Variants in UBN2 observed in about 807,000 individuals in gnomAD.
The protein encoded by UBN2 is ubinuclein 2, also known as ubinuclein-2.
A neutral mutation model predicts 120.2 loss-of-function variants in UBN2; 35 were observed. That is an observed-to-expected ratio of 0.29 (90% CI 0.22 to 0.39). The LOEUF (loss-of-function observed/expected upper bound fraction) is 0.39. Among genes scored for constraint, UBN2 ranks in the 10% least tolerant of loss-of-function variants. UBN2 has a pLI of 1.00. For synonymous variants in UBN2, 661 were observed against 648.7 expected, an observed-to-expected ratio of 1.02 and a Z score of -0.29; for missense variants, 1,693 against 1,663.2, an observed-to-expected ratio of 1.02 and a Z score of -0.31.
chr7:139,293,693 A>C lies in UBN2; in HGVS notation c.3902-196A>C, dbSNP rs187427530. On this transcript the variant is annotated intron_variant, in intron 16 of 17. Transcript: ENST00000473989. ...ACATTTCCATCTTAATGAAATTTTT[A>C]AGAGGAAGTCAGTTGTGTTGGGTTA... 1.6e-4 allele frequency: 104 copies of C among 645,278 alleles called. No individual in the cohort carries two copies. In the African/African-American group the frequency reaches 1.8e-3, roughly 11 times the overall value. The allele number at this position is 645,278 out of a possible 1,614,324, so 40.0% of individuals were successfully genotyped here. A position where few individuals can be genotyped will look rare whatever the true frequency, so the allele number is the denominator to read the frequency against.
At chr7:139,261,893 T>G in intron 6 of UBN2, 152 bp downstream of exon 6, 1 of 829,712 alleles carries the variant, frequency 1.2e-6, no homozygotes, top group South Asian at 2.1e-5. Flanking sequence ...AACATTTTTA[T>G]AACTTTTTAT....
chr7:139,275,319 C>T (rs1178905390), intron 11 of UBN2, among the ~76,000 whole-genome samples: 2 of 149,488 alleles, frequency 1.3e-5, no homozygotes, highest in Non-Finnish European at 3.0e-5. Context: ...CACGGTGGCT[C>T]ACGCCTGTAA....
At position 139,273,316 on chromosome 7, in the gene UBN2, C is replaced by T. The variant is rs749369420; in HGVS notation, c.1735C>T (p.Arg579Ter). Residue 579 changes from arginine (R) to a stop codon, truncating the protein, a stop_gained, in exon 10 of 18, where the codon CGA becomes TGA. Coordinates refer to ENST00000473989, the MANE Select transcript of UBN2 (RefSeq NM_173569.4). LOFTEE classifies it high-confidence loss of function. ...KCAKLQTDEEREKNGSEEDDD... is the reference protein window; with the variant it reads ...KCAKLQTDEE ...TTTTAGATTGCAGACAGATGAAGAA[C>T]GAGAAAAAAATGGATCTGAAGAGGA... 3 of 1,600,026 alleles carry T rather than the reference C, an allele frequency of 1.9e-6. No individual in the cohort carries two copies. Among genetic ancestry groups the T allele is most frequent in the Admixed American group, 1.7e-5 (1 of 58,476 alleles).
chr7:139,293,572 G>GT (rs201538099), intron 16 of UBN2, 109 bp downstream of exon 16: 162,171 of 661,504 alleles, frequency 0.25, 15 homozygotes, highest in South Asian at 0.29. Context: ...GAAGATTATA[G>GT]TTTTTTTTTT....
chr7:139,259,068 A>G (rs1407009031), intron 4 of UBN2, among the ~76,000 whole-genome samples, 199 bp from the exon 5 acceptor site: 1 of 152,182 alleles, frequency 6.6e-6, no homozygotes, highest in Admixed American at 6.5e-5. Context: ...TTAAAATGCA[A>G]ATTATAAGGT....
At chr7:139,247,185 A>G (rs182062850) in intron 2 of UBN2, among the ~76,000 whole-genome samples, 13 of 152,070 alleles carry the variant, frequency 8.5e-5, no homozygotes, top group African/African-American at 2.9e-4. Flanking sequence ...CTACCAAACC[A>G]TTTTCCAAAG....
intron 2 of UBN2, among the ~76,000 whole-genome samples, chr7:139,241,125 T>C (rs1025749506): frequency 7.9e-5 from 12 of 152,198 alleles, no homozygotes; most frequent in Non-Finnish European, 1.6e-4. Flanking sequence ...TACTCTATAC[T>C]CAGGAGTAGG....
the UBN2 span, among the ~76,000 whole-genome samples, chr7:139,317,842 T>C: frequency 6.6e-6 from 1 of 152,156 alleles, no homozygotes; most frequent in African/African-American, 2.4e-5. Flanking sequence ...TTTGCATTTT[T>C]AGTAGAGATG....
At chr7:139,272,595 C>T (rs1271484852) in intron 9 of UBN2, among the ~76,000 whole-genome samples, 155 bp downstream of exon 9, 3 of 152,050 alleles carry the variant, frequency 2.0e-5, no homozygotes, top group Admixed American at 6.6e-5. Flanking sequence ...GGTACGATTT[C>T]GGCTCAGTAC....
At position 139,284,498 on chromosome 7, in the gene UBN2, G is replaced by A. The variant is rs376390919; in HGVS notation, c.3593G>A (p.Gly1198Asp). The A allele has an allele frequency of 6.2e-7, 1 of 1,614,160 alleles. No homozygotes were observed. The highest frequency in any genetic ancestry group is 8.5e-7 in the Non-Finnish European group (1 of 1,180,036). The change falls in exon 15 of 18, where the codon GGT becomes GAT. Residue 1198 changes from glycine (G) to aspartate (D), a missense_variant. Gly to Asp is a moderately conservative substitution (Grantham distance 94). Around this residue, in one of 5 missense-constraint regions of UBN2, gnomAD observed 837 missense variants for 817.6 expected, o/e 1.02. Coordinates refer to ENST00000473989, the MANE Select transcript of UBN2 (RefSeq NM_173569.4). ...LSGGTGSGTQ[G>D]ATKPLSTPHR... Reference sequence around the variant, plus strand: ...GGGGGAACAGGAAGTGGAACACAGGGTGCTACCAAACCATTGTCTACTCCA... The same window carrying A: ...GGGGGAACAGGAAGTGGAACACAGGATGCTACCAAACCATTGTCTACTCCA...
At chr7:139,318,848 T>C in the UBN2 span, among the ~76,000 whole-genome samples, 1 of 152,150 alleles carries the variant, frequency 6.6e-6, no homozygotes, top group African/African-American at 2.4e-5. Flanking sequence ...CAGCCACAAA[T>C]TCATGCGCGT....
intron 17 of UBN2, among the ~76,000 whole-genome samples, chr7:139,297,211 A>T (rs976374254): frequency 2.6e-5 from 4 of 151,124 alleles, no homozygotes; most frequent in Non-Finnish European, 5.9e-5. Flanking sequence ...AAAAAAAAAA[A>T]GGAAAGAGCC....
downstream of UBN2, among the ~76,000 whole-genome samples, chr7:139,309,884 A>G (rs1770120399): frequency 6.6e-6 from 1 of 152,214 alleles, no homozygotes; most frequent in Non-Finnish European, 1.5e-5. Context: ...GTGTACATAC[A>G]TGCATTAGAA....
intron 2 of UBN2, among the ~76,000 whole-genome samples, chr7:139,240,594 A>G (rs1051367329): frequency 2.6e-5 from 4 of 151,966 alleles, no homozygotes; most frequent in Non-Finnish European, 4.4e-5. Flanking sequence ...TTAAACTACA[A>G]TGATCTTTAT....
chr7:139,231,852 C>T lies in UBN2; in HGVS notation c.368C>T (p.Pro123Leu). Residue 123 changes from proline (P) to leucine (L), a missense_variant, in exon 1 of 18, where the codon CCG (proline) becomes CTG (leucine). Transcript: ENST00000473989. ...CGGGCTGAGCAGCCGCCGCGGCCGC[C>T]GAGGGAGACGGTGCGCCTGGAGCTG... ...ASRAEQPPRP[P>L]RETVRLELVL... 1 of 1,551,658 alleles carries T rather than the reference C, an allele frequency of 6.4e-7. No homozygotes were observed. Among genetic ancestry groups the T allele is most frequent in the Non-Finnish European group, 8.6e-7 (1 of 1,156,220 alleles).
chr7:139,273,289 AT>A lies in UBN2; in HGVS notation c.1716-3del. ...AAGTTTGTTTTGTAAAGTGTTTTTC[AT>A]TTTTAGATTGCAGACAGATGAAGAA... On this transcript the variant is annotated splice_polypyrimidine_tract_variant and splice_region_variant and intron_variant, in intron 9 of 17. Coordinates refer to ENST00000473989, the MANE Select transcript of UBN2 (RefSeq NM_173569.4). 5.7e-6 allele frequency: 9 copies of A among 1,587,830 alleles called. No individual in the cohort carries two copies. Among genetic ancestry groups the A allele is most frequent in the Non-Finnish European group, 6.9e-6 (8 of 1,167,048 alleles).
intron 2 of UBN2, among the ~76,000 whole-genome samples, chr7:139,243,905 C>A (rs529805139): frequency 1.3e-5 from 2 of 152,308 alleles, no homozygotes; most frequent in Non-Finnish European, 2.9e-5. Context: ...AAAACTCTTT[C>A]CCCACAGTGG....
At chr7:139,316,762 T>C in the UBN2 span, among the ~76,000 whole-genome samples, 35 of 151,290 alleles carry the variant, frequency 2.3e-4, no homozygotes, top group Non-Finnish European at 4.4e-4. Flanking sequence ...TAAAAAATTA[T>C]GTATGTGTGT....
At chr7:139,324,289 G>T in the UBN2 span, among the ~76,000 whole-genome samples, 1 of 152,132 alleles carries the variant, frequency 6.6e-6, no homozygotes, top group African/African-American at 2.4e-5. Context: ...AAGAAACTTG[G>T]CTGGGCGTGG....
Sources: allele counts gnomAD v4.1 joint callset (sites outside exome capture counted in the v4.1 genomes callset), GRCh38; gene constraint gnomAD v4.1.1; regional missense constraint gnomAD v4.1.1; transcripts MANE v1.5; gene names NCBI Gene and HGNC (gene_info 2026-07-23, HGNC 2026-07-21).